Variants in GAB2 observed in about 807,000 individuals in gnomAD.
GAB2 encodes the protein GRB2 associated binding protein 2, also known as GRB2-associated-binding protein 2.
Under a neutral mutation model 65.5 loss-of-function variants are expected in GAB2, and 26 were observed. The ratio of observed to expected loss-of-function variants is 0.40; its 90% CI spans 0.29 to 0.55. GAB2 has a LOEUF of 0.55. Among genes scored for constraint, GAB2 ranks in the 20% least tolerant of loss-of-function variants. The probability of loss-of-function intolerance (pLI) is 0.53; values close to 1 mark genes in which losing one functional copy is unlikely to be tolerated. For missense variants in GAB2, 884 were observed against 875.8 expected (o/e 1.01, Z -0.12); for synonymous variants, 321 against 329.6 (o/e 0.97, Z 0.28).
chr11:78,250,464 G>C, intron 2 of GAB2, 64 bp from the exon 3 acceptor site: 1 of 1,436,494 alleles, frequency 7.0e-7, no homozygotes, highest in South Asian at 1.1e-5. Context: ...CCCAAAGTGA[G>C]TTGTCAGAGG....
At chr11:78,320,225 AG>A (rs1855696557) in intron 1 of GAB2, among the ~76,000 whole-genome samples, 1 of 152,122 alleles carries the variant, frequency 6.6e-6, no homozygotes, top group Non-Finnish European at 1.5e-5. Flanking sequence ...TTCTAGAGAC[AG>A]GGGTCTCACT....
intron 1 of GAB2, among the ~76,000 whole-genome samples, chr11:78,340,951 C>G (rs1048899400): frequency 5.3e-5 from 8 of 152,184 alleles, no homozygotes; most frequent in South Asian, 2.1e-4. Flanking sequence ...ATTTAAGGAA[C>G]AGTAAACCTC....
At chr11:78,236,340 AG>A (rs1190996181) in intron 3 of GAB2, among the ~76,000 whole-genome samples, 2 of 152,206 alleles carry the variant, frequency 1.3e-5, no homozygotes, top group Admixed American at 1.3e-4. Flanking sequence ...TAAAATACAC[AG>A]GGTTTCGCCA....
intron 1 of GAB2, among the ~76,000 whole-genome samples, chr11:78,362,971 C>A (rs1856453432): frequency 1.3e-5 from 2 of 152,050 alleles, no homozygotes; most frequent in Non-Finnish European, 2.9e-5. Flanking sequence ...ATATATAAAG[C>A]AAGAATTGCC....
intron 1 of GAB2, among the ~76,000 whole-genome samples, chr11:78,410,281 A>T (rs1244919238): frequency 6.6e-6 from 1 of 152,260 alleles, no homozygotes; most frequent in Non-Finnish European, 1.5e-5. Flanking sequence ...AAGCAGGCAG[A>T]TCACTTAAGG....
chr11:78,349,804 A>C (rs1856247412), intron 1 of GAB2, among the ~76,000 whole-genome samples: 1 of 152,054 alleles, frequency 6.6e-6, no homozygotes, highest in Non-Finnish European at 1.5e-5. Context: ...TGGCTCCAGC[A>C]TTTGCTGGTA....
chr11:78,268,463 C>G (rs150060926), intron 2 of GAB2, among the ~76,000 whole-genome samples: 11 of 152,294 alleles, frequency 7.2e-5, no homozygotes, highest in East Asian at 5.8e-4. Flanking sequence ...AATTCTACCT[C>G]TAGCCCAATA....
chr11:78,391,071 G>A (rs1856828238), intron 1 of GAB2, among the ~76,000 whole-genome samples: 1 of 152,178 alleles, frequency 6.6e-6, no homozygotes, highest in Admixed American at 6.5e-5. Context: ...AAAAATAAAT[G>A]TTATTGTGGC....
intron 1 of GAB2, among the ~76,000 whole-genome samples, chr11:78,394,962 C>A (rs886141998): frequency 6.6e-6 from 1 of 152,154 alleles, no homozygotes; most frequent in Non-Finnish European, 1.5e-5. Flanking sequence ...CCTGTAAATG[C>A]CATCTAGGAG....
rs1200182260 is a variant in GAB2 at position 78,245,477 on chromosome 11, C to T, written c.620+4680G>A. ...AGAACTGTCATTCTGGAATTCTATA[C>T]CTAGCAAAATCTCTCTCAAAACTGA... is the stretch of plus-strand genomic sequence containing the variant. On this transcript the variant is annotated intron_variant, in intron 3 of 9. Coordinates refer to ENST00000361507, the MANE Select transcript of GAB2 (RefSeq NM_080491.3). Among the ~76,000 whole-genome samples the T allele has an allele frequency of 4.6e-5, 7 of 152,116 alleles. No homozygotes were observed. In the South Asian group the frequency reaches 1.5e-3, roughly 32 times the overall value.
chr11:78,396,446 T>C (rs1856895934), intron 1 of GAB2, among the ~76,000 whole-genome samples: 1 of 152,244 alleles, frequency 6.6e-6, no homozygotes. Context: ...AGTTTTTGTT[T>C]ATACAAATTT....
chr11:78,368,288 A>G (rs1320523429), intron 1 of GAB2, among the ~76,000 whole-genome samples: 1 of 152,236 alleles, frequency 6.6e-6, no homozygotes, highest in Non-Finnish European at 1.5e-5. Context: ...TGGTTTGATT[A>G]TTCAACAGAT....
intron 5 of GAB2, among the ~76,000 whole-genome samples, chr11:78,224,508 G>A (rs1351342636): frequency 6.6e-6 from 1 of 152,186 alleles, no homozygotes; most frequent in East Asian, 1.9e-4. Flanking sequence ...ACAGAGTTGT[G>A]TGATACAGCA....
chr11:78,345,125 C>T (rs1200995968), intron 1 of GAB2, among the ~76,000 whole-genome samples: 2 of 152,072 alleles, frequency 1.3e-5, no homozygotes, highest in African/African-American at 2.4e-5. Context: ...ACTAAAAATA[C>T]AAAAATTAGC....
At chr11:78,242,368 G>T (rs1010244069) in intron 3 of GAB2, among the ~76,000 whole-genome samples, 5 of 152,146 alleles carry the variant, frequency 3.3e-5, no homozygotes, top group African/African-American at 1.2e-4. Context: ...TGGGTGTGGT[G>T]GCGGGCACCT....
intron 3 of GAB2, among the ~76,000 whole-genome samples, chr11:78,237,596 T>G (rs1865015062): frequency 6.6e-6 from 1 of 152,164 alleles, no homozygotes; most frequent in South Asian, 2.1e-4. Context: ...CTGACTGTAC[T>G]TCAATTTCTT....
intron 4 of GAB2, 129 bp from the exon 5 acceptor site, chr11:78,225,331 T>A: frequency 1.6e-6 from 1 of 621,426 alleles, no homozygotes; most frequent in Non-Finnish European, 2.9e-6. Context: ...CCCCAAATGA[T>A]AAGGAATTTC....
chr11:78,374,333 A>G (rs1856607276), intron 1 of GAB2, among the ~76,000 whole-genome samples: 1 of 152,234 alleles, frequency 6.6e-6, no homozygotes. Context: ...GGTATTTGTC[A>G]CAGGTTTCAC....
chr11:78,306,857 A>G (rs1027219122), intron 1 of GAB2, among the ~76,000 whole-genome samples: 2 of 152,222 alleles, frequency 1.3e-5, no homozygotes, highest in Non-Finnish European at 2.9e-5. Context: ...TGTTCGTAAA[A>G]TAGATCACAT....
Sources: allele counts gnomAD v4.1 joint callset (sites outside exome capture counted in the v4.1 genomes callset), GRCh38; gene constraint gnomAD v4.1.1; transcripts MANE v1.5; gene names NCBI Gene and HGNC (gene_info 2026-07-23, HGNC 2026-07-21).